MCM4: variants seen among roughly 807,000 people sequenced by gnomAD.
MCM4 encodes the protein minichromosome maintenance complex component 4, also known as DNA replication licensing factor MCM4.
A neutral mutation model predicts 88.7 loss-of-function variants in MCM4; 60 were observed. The observed-to-expected ratio is 0.68, with a 90% confidence interval of 0.55 to 0.84. The LOEUF (loss-of-function observed/expected upper bound fraction) is 0.84. Ranked by LOEUF, MCM4 falls within the 40% of genes least tolerant of loss-of-function variation. The pLI, the probability that MCM4 is intolerant of heterozygous loss-of-function variation, is 0.00. For missense variants in MCM4, 1,149 were observed against 1,105.5 expected (o/e 1.04, Z -0.56); for synonymous variants, 465 against 410.5 (o/e 1.13, Z -1.61).
Position 47,975,859 on chromosome 8 carries a change from A to G in MCM4, c.2499+11A>G, listed in dbSNP as rs202017270. 6.7e-6 allele frequency: 10 copies of G among 1,495,480 alleles called. No individual in the cohort carries two copies. In the Admixed American group the frequency reaches 1.3e-4, roughly 19 times the overall value. 92.6% of individuals were successfully genotyped at this position (1,495,480 alleles called of 1,614,324 possible). ...GGACAATCTGACATAGTAAGTGTTTATATGTATTTTTTGTTTGATAGAGCT... is the reference window on the plus strand; with the variant it reads ...GGACAATCTGACATAGTAAGTGTTTGTATGTATTTTTTGTTTGATAGAGCT... On this transcript the variant is annotated intron_variant, in intron 16 of 16. Transcript: ENST00000649973.
intron 7 of MCM4, 22 bp from the exon 8 acceptor site, chr8:47,964,552 A>C (rs538498610): frequency 1.3e-6 from 2 of 1,553,816 alleles, no homozygotes; most frequent in South Asian, 2.4e-5. Flanking sequence ...ATACAAATAC[A>C]TCTTCATATT....
In MCM4 at chr8:47,970,741, G is replaced by A. The variant is rs762024097; in HGVS notation, c.1665G>A (p.Gln555=). 3.7e-6 allele frequency: 6 copies of A among 1,614,242 alleles called. No individual in the cohort carries two copies. The highest frequency in any genetic ancestry group is 5.1e-6 in the Non-Finnish European group (6 of 1,180,046). ...AYVMKDPETR[Q]LVLQTGALVL... is the part of the protein sequence containing the mutation. ...TAATGAAAGACCCTGAGACAAGGCA[G>A]CTGGTCCTGCAGACAGGTGCTCTTG... The change falls in exon 12 of 17, where the codon CAG becomes CAA. Residue 555 remains glutamine, a synonymous_variant. Coordinates refer to ENST00000649973, the MANE Select transcript of MCM4 (RefSeq NM_182746.3).
chr8:47,967,518 AT>A, intron 10 of MCM4, 33 bp downstream of exon 10: 1 of 1,613,448 alleles, frequency 6.2e-7, no homozygotes, highest in South Asian at 1.1e-5. Flanking sequence ...GCACTTGAGC[AT>A]GTCTGGCTTG....
Position 47,966,329 on chromosome 8 carries a change from C to T in MCM4, c.975C>T (p.Pro325=), listed in dbSNP as rs760449938. ...VEMDRGRIAE[P]SVCGRCHTTH... ...TGGACCGCGGCCGCATTGCAGAGCC[C>T]AGTGTGTGCGGGCGCTGCCACACCA... Residue 325 remains proline, a synonymous_variant, in exon 9 of 17, where the codon CCC becomes CCT. Transcript: ENST00000649973. 4.3e-6 allele frequency: 7 copies of T among 1,614,020 alleles called. No individual in the cohort carries two copies. The highest frequency in any genetic ancestry group is 5.9e-6 in the Non-Finnish European group (7 of 1,180,052).
At position 47,976,791 on chromosome 8, in the gene MCM4, A is replaced by G. The variant is rs770781970; in HGVS notation, c.*13A>G. 6.4e-7 allele frequency: 1 copy of G among 1,562,282 alleles called. No homozygotes were observed. The highest frequency in any genetic ancestry group is 1.7e-5 in the Admixed American group (1 of 59,912). ...GCGCTTGCTCTGAAGCCTTGTGAGC[A>G]AGGAAGGCTCCCTGCATGTCCTGCT... On this transcript the variant is annotated 3_prime_UTR_variant, in exon 17 of 17. Coordinates refer to ENST00000649973, the MANE Select transcript of MCM4 (RefSeq NM_182746.3).
At position 47,974,715 on chromosome 8, in the gene MCM4, G is replaced by T; in HGVS notation, c.2137-19G>T. On this transcript the variant is annotated intron_variant, in intron 14 of 16. Transcript: ENST00000649973. ...ACCAAGGAGGTTTGCTTTTGCTTTT[G>T]TTTTTCTACCTACAATAGGCTTATG... 1 of 1,600,870 alleles carries T rather than the reference G, an allele frequency of 6.2e-7. No individual in the cohort carries two copies. The highest frequency in any genetic ancestry group is 8.5e-7 in the Non-Finnish European group (1 of 1,170,184).
In MCM4 at chr8:47,964,687, G is replaced by C; in HGVS notation, c.807G>C (p.Lys269Asn). Residue 269 changes from lysine (K) to asparagine (N), a missense_variant, in exon 8 of 17, where the codon AAG becomes AAC. Lys to Asn is a moderately conservative substitution (Grantham distance 94). This residue lies in a region of MCM4 where 906 missense variants were observed against 843.0 expected (regional missense o/e 1.07). Coordinates refer to ENST00000649973, the MANE Select transcript of MCM4 (RefSeq NM_182746.3). ...GACCATTCAACGCATTGAAGACTAA[G>C]AATATGAGAAACCTGAATCCAGAAG... ...QVRPFNALKTKNMRNLNPEDI... is the reference protein window; with the variant it reads ...QVRPFNALKTNNMRNLNPEDI... 7 of 1,571,206 alleles carry C rather than the reference G, an allele frequency of 4.5e-6. No homozygotes were observed. Among genetic ancestry groups the C allele is most frequent in the Non-Finnish European group, 6.0e-6 (7 of 1,163,424 alleles).
intron 1 of MCM4, 46 bp downstream of exon 1, chr8:47,961,060 A>G: frequency 4.3e-6 from 6 of 1,385,812 alleles, no homozygotes; most frequent in Non-Finnish European, 5.7e-6. Flanking sequence ...GCCGACGGGA[A>G]CGTCCGCGCT....
chr8:47,962,289 A>G lies in MCM4; in HGVS notation c.400-16A>G, dbSNP rs751834975. 70 of 1,614,020 alleles carry G rather than the reference A, an allele frequency of 4.3e-5. No individual in the cohort carries two copies. Among genetic ancestry groups the G allele is most frequent in the Non-Finnish European group, 5.8e-5 (69 of 1,180,024 alleles). ...GTAACTCTGTTTTCATGATTCTGTC[A>G]TGTTTTTCTGTGTAGGCAGCAGCAG... On this transcript the variant is annotated splice_polypyrimidine_tract_variant and intron_variant, in intron 4 of 16. Transcript: ENST00000649973.
chr8:47,975,878 T>C, intron 16 of MCM4, 30 bp downstream of exon 16: 1 of 1,428,136 alleles, frequency 7.0e-7, no homozygotes, highest in Non-Finnish European at 9.2e-7. Context: ...TTTTGTTTGA[T>C]AGAGCTTTCT....
rs760541542 is a variant in MCM4 at position 47,976,933 on chromosome 8, G to A, written c.*155G>A. On this transcript the variant is annotated 3_prime_UTR_variant, in exon 17 of 17. Coordinates refer to ENST00000649973, the MANE Select transcript of MCM4 (RefSeq NM_182746.3). Reference sequence around the variant, plus strand: ...TTCTAACTTGGGTTCAATATTTGTAGTGAAGTATCTGTTTTCATTTTTTTC... The same window carrying A: ...TTCTAACTTGGGTTCAATATTTGTAATGAAGTATCTGTTTTCATTTTTTTC... 1.5e-5 allele frequency: 8 copies of A among 546,578 alleles called. No individual in the cohort carries two copies. The highest frequency in any genetic ancestry group is 3.8e-5 in the African/African-American group (2 of 52,568). 33.9% of individuals were successfully genotyped at this position (546,578 alleles called of 1,614,324 possible). A position where few individuals can be genotyped will look rare whatever the true frequency, so the allele number is the denominator to read the frequency against.
chr8:47,976,673 C>T lies in MCM4; in HGVS notation c.2500-13C>T. 6.2e-7 allele frequency: 1 copy of T among 1,600,446 alleles called. No homozygotes were observed. The highest frequency in any genetic ancestry group is 8.6e-7 in the Non-Finnish European group (1 of 1,168,124). ...GACGTGTACAATATTTATTTTCTTT[C>T]TCTTCCCCACAGGCAATTACTAAAG... On this transcript the variant is annotated splice_polypyrimidine_tract_variant and intron_variant, in intron 16 of 16. Coordinates refer to ENST00000649973, the MANE Select transcript of MCM4 (RefSeq NM_182746.3).
rs186368246 is a variant in MCM4, at chr8:47,961,852, T to C, written c.235+172T>C. 13 of 981,552 alleles carry C rather than the reference T, an allele frequency of 1.3e-5. No individual in the cohort carries two copies. In the African/African-American group the frequency reaches 1.5e-4, roughly 11 times the overall value. 60.8% of individuals were successfully genotyped at this position (981,552 alleles called of 1,614,324 possible). On this transcript the variant is annotated intron_variant, in intron 3 of 16. Coordinates refer to ENST00000649973, the MANE Select transcript of MCM4 (RefSeq NM_182746.3). The stretch of plus-strand genomic sequence containing the variant: ...GAACGGAGTGCAGAAAATAGTAGTT[T>C]TAGGGCTTAGTGAGCAGAGGAAGCA...
Position 47,961,507 on chromosome 8 carries a change from T to C in MCM4, c.71-9T>C. ...TAATGGCTGTCTTTTCTGTTTTGTG[T>C]GACACAAGCTCGGAGTGAGGATGCC... On this transcript the variant is annotated splice_polypyrimidine_tract_variant and intron_variant, in intron 2 of 16. Coordinates refer to ENST00000649973, the MANE Select transcript of MCM4 (RefSeq NM_182746.3). 1 of 1,613,792 alleles carries C rather than the reference T, an allele frequency of 6.2e-7. No homozygotes were observed. The highest frequency in any genetic ancestry group is 8.5e-7 in the Non-Finnish European group (1 of 1,180,038).
intron 10 of MCM4, among the ~76,000 whole-genome samples, chr8:47,967,709 G>A (rs1378899368): frequency 6.6e-6 from 1 of 152,168 alleles, no homozygotes; most frequent in African/African-American, 2.4e-5. Flanking sequence ...CTTGAATGTT[G>A]GAGCTCATGG....
At chr8:47,971,023 T>C in intron 12 of MCM4, 147 bp downstream of exon 12, 1 of 1,020,194 alleles carries the variant, frequency 9.8e-7, no homozygotes. Flanking sequence ...CAGCTAAATC[T>C]CAACATGTCT....
chr8:47,975,798 G>A lies in MCM4; in HGVS notation c.2449G>A (p.Ala817Thr). Residue 817 changes from alanine to threonine, a missense_variant, in exon 16 of 17, where the codon GCT becomes ACT. This residue lies in a region of MCM4 where 238 missense variants were observed against 241.6 expected (regional missense o/e 0.99). Coordinates refer to ENST00000649973, the MANE Select transcript of MCM4 (RefSeq NM_182746.3). Reference protein sequence around the residue: ...KLILSKGKTPALKYQQLFEDI... With the variant: ...KLILSKGKTPTLKYQQLFEDI... Reference sequence around the variant, plus strand: ...TATTTTATCTAAGGGCAAAACACCAGCTCTAAAATACCAGCAACTTTTTGA... The same window carrying A: ...TATTTTATCTAAGGGCAAAACACCAACTCTAAAATACCAGCAACTTTTTGA... 1.9e-6 allele frequency: 3 copies of A among 1,585,752 alleles called. No homozygotes were observed. The highest frequency in any genetic ancestry group is 2.6e-6 in the Non-Finnish European group (3 of 1,169,328).
At chr8:47,975,167 GTA>G (rs2090990427) in intron 15 of MCM4, 2 of 461,722 alleles carry the variant, frequency 4.3e-6, no homozygotes, top group Admixed American at 3.9e-5. Flanking sequence ...ACAGTTTTGT[GTA>G]TAGTTTTTTT....
Position 47,978,029 on chromosome 8 carries a change from A to G in MCM4, c.*1251A>G, listed in dbSNP as rs2091016174. 1 of 152,232 alleles carries G rather than the reference A, an allele frequency of 6.6e-6. No homozygotes were observed. Among genetic ancestry groups the G allele is most frequent in the Admixed American group, 6.5e-5 (1 of 15,276 alleles). The allele number at this position is 152,232 out of a possible 1,614,324, so 9.4% of individuals were successfully genotyped here. On this transcript the variant is annotated 3_prime_UTR_variant, in exon 17 of 17. Coordinates refer to ENST00000649973, the MANE Select transcript of MCM4 (RefSeq NM_182746.3). Reference sequence around the variant, plus strand: ...GTAAGTATTTTATAGGTCATAAAAAACACCATAATATAACGAATCTCATTT... The same window carrying G: ...GTAAGTATTTTATAGGTCATAAAAAGCACCATAATATAACGAATCTCATTT...
Sources: allele counts gnomAD v4.1 joint callset (sites outside exome capture counted in the v4.1 genomes callset), GRCh38; gene constraint gnomAD v4.1.1; regional missense constraint gnomAD v4.1.1; transcripts MANE v1.5; gene names NCBI Gene and HGNC (gene_info 2026-07-23, HGNC 2026-07-21).